Variants in ENKUR observed in about 807,000 individuals in gnomAD.
The protein encoded by ENKUR is enkurin.
Under a neutral mutation model 27.6 loss-of-function variants are expected in ENKUR, and 19 were observed. The ratio of observed to expected loss-of-function variants is 0.69; its 90% CI spans 0.48 to 1.01. The LOEUF (loss-of-function observed/expected upper bound fraction) is 1.01. ENKUR is among the 50% of genes least tolerant of loss of function. The probability of loss-of-function intolerance (pLI) is 0.00; values close to 1 mark genes in which losing one functional copy is unlikely to be tolerated. For synonymous variants in ENKUR, 117 were observed against 96.9 expected (o/e 1.21, Z -1.22); for missense variants, 312 against 310.5 (o/e 1.00, Z -0.04).
intron 3 of ENKUR, among the ~76,000 whole-genome samples, chr10:24,990,831 C>T (rs746469862): frequency 1.2e-4 from 18 of 152,114 alleles, no homozygotes; most frequent in Admixed American, 4.6e-4. Flanking sequence ...TAGTGGCTCA[C>T]ACCTGTAATC....
In ENKUR at chr10:25,030,075, C is replaced by T. The variant is rs182269630; in HGVS notation, c.37+31037G>A. On this transcript the variant is annotated intron_variant, in intron 2 of 5. Coordinates refer to the ENKUR transcript ENST00000615958. ...TATCTTTTTCTTGAAGATTTCCCCT[C>T]TTGAGTGCCTTTCCTGTTTTAAGGC... Among the ~76,000 whole-genome samples, 330 of 152,280 alleles carry T rather than the reference C, an allele frequency of 2.2e-3. 4 individuals carry two copies. Among genetic ancestry groups the T allele is most frequent in the African/African-American group, 7.3e-3 (303 of 41,558 alleles).
At chr10:25,024,802 A>T in intron 2 of ENKUR, 3 of 1,614,186 alleles carry the variant, frequency 1.9e-6, no homozygotes, top group Non-Finnish European at 2.5e-6. Flanking sequence ...GGGAATCCCG[A>T]TTCGAAAATT....
upstream of ENKUR, chr10:25,016,643 A>C (rs1850584790): frequency 6.6e-6 from 1 of 152,472 alleles, no homozygotes; most frequent in African/African-American, 2.4e-5. Context: ...CGCCGCAGGC[A>C]CAGGCGCAGA....
rs1849907051 is a variant in ENKUR at position 24,990,623 on chromosome 10, G to A, written c.448-14C>T. The A allele has an allele frequency of 1.9e-6, 3 of 1,585,498 alleles. No individual in the cohort carries two copies. Among genetic ancestry groups the A allele is most frequent in the Non-Finnish European group, 2.6e-6 (3 of 1,171,352 alleles). On this transcript the variant is annotated splice_polypyrimidine_tract_variant and intron_variant, in intron 3 of 5. Transcript: ENST00000331161. ...GACACCATAATCCTAAAAAGATTTT[G>A]CAGAAAAAAGTAATCAATATTTTGT...
chr10:24,992,029 T>A (rs1159685680), intron 3 of ENKUR, among the ~76,000 whole-genome samples: 1 of 152,174 alleles, frequency 6.6e-6, no homozygotes, highest in Non-Finnish European at 1.5e-5. Context: ...AATAAGGGAA[T>A]TTTCCCATGT....
chr10:25,051,798 A>G (rs1851189090), intron 2 of ENKUR, among the ~76,000 whole-genome samples: 1 of 152,170 alleles, frequency 6.6e-6, no homozygotes, highest in Non-Finnish European at 1.5e-5. Context: ...CAAGCCATGG[A>G]AGCAATCAAG....
At chr10:25,023,746 G>A (rs1210136463) in intron 2 of ENKUR, 10 of 1,613,880 alleles carry the variant, frequency 6.2e-6, no homozygotes, top group Non-Finnish European at 8.5e-6. Context: ...TAGGATTGTA[G>A]GTCAGAATTC....
At chr10:25,029,407 A>G (rs1850908152) in intron 2 of ENKUR, among the ~76,000 whole-genome samples, 1 of 152,210 alleles carries the variant, frequency 6.6e-6, no homozygotes, top group South Asian at 2.1e-4. Flanking sequence ...AATAGAGTTT[A>G]GAAGACAATA....
At chr10:25,061,307 C>A in exon 2 of ENKUR, 1 of 662,008 alleles carries the variant, frequency 1.5e-6, no homozygotes. Flanking sequence ...TTTCTTGTGC[C>A]GCTCCTCCAG....
chr10:25,060,624 C>A (rs1851315976), intron 2 of ENKUR, among the ~76,000 whole-genome samples: 1 of 152,134 alleles, frequency 6.6e-6, no homozygotes, highest in Admixed American at 6.5e-5. Flanking sequence ...GGGGCTTGAA[C>A]CTAAATTGAA....
At chr10:24,993,524 T>C (rs546912905) in intron 3 of ENKUR, among the ~76,000 whole-genome samples, 1 of 152,342 alleles carries the variant, frequency 6.6e-6, no homozygotes, top group South Asian at 2.1e-4. Flanking sequence ...ATGGTATGAA[T>C]GGCATATAAT....
chr10:25,017,103 T>A, upstream of ENKUR, among the ~76,000 whole-genome samples: 1 of 152,240 alleles, frequency 6.6e-6, no homozygotes, highest in East Asian at 1.9e-4. Context: ...TCGGGACTCT[T>A]CCTCTAGGTC....
chr10:24,982,412 T>C lies in ENKUR; in HGVS notation c.*1958A>G, dbSNP rs1034388425. 6.6e-6 allele frequency: 1 copy of C among 152,216 alleles called. No homozygotes were observed. Among genetic ancestry groups the C allele is most frequent in the Admixed American group, 6.5e-5 (1 of 15,274 alleles). 9.4% of individuals were successfully genotyped at this position (152,216 alleles called of 1,614,324 possible). On this transcript the variant is annotated 3_prime_UTR_variant, in exon 6 of 6. Transcript: ENST00000331161. ...TCAAGAAATCAAGCTAAAAAGATCA[T>C]AGACAAGGGGCCAGACCACATCAAA...
At chr10:25,031,438 C>A (rs1025639952) in intron 2 of ENKUR, among the ~76,000 whole-genome samples, 2 of 152,078 alleles carry the variant, frequency 1.3e-5, no homozygotes, top group African/African-American at 4.8e-5. Flanking sequence ...GAGCCCTGGC[C>A]AAGTTACCAG....
At chr10:25,042,698 G>A (rs752180973) in intron 2 of ENKUR, among the ~76,000 whole-genome samples, 2 of 151,992 alleles carry the variant, frequency 1.3e-5, no homozygotes, top group Non-Finnish European at 2.9e-5. Flanking sequence ...CAAAATGGAA[G>A]AGCACCTGGG....
intron 2 of ENKUR, chr10:25,025,502 T>C: frequency 6.6e-7 from 1 of 1,524,082 alleles, no homozygotes; most frequent in Non-Finnish European, 8.8e-7. Context: ...CATGCAATAA[T>C]AAATCTCAAA....
intron 2 of ENKUR, among the ~76,000 whole-genome samples, chr10:25,059,355 C>A (rs1851300522): frequency 6.6e-6 from 1 of 152,112 alleles, no homozygotes; most frequent in Non-Finnish European, 1.5e-5. Context: ...TAGTCTCCAA[C>A]TCCTGACCTC....
At chr10:25,058,825 G>A (rs1249518292) in intron 2 of ENKUR, among the ~76,000 whole-genome samples, 1 of 151,974 alleles carries the variant, frequency 6.6e-6, no homozygotes, top group Non-Finnish European at 1.5e-5. Flanking sequence ...CAGCTACTCG[G>A]GAGGCTGAGG....
chr10:25,045,861 T>C (rs1851116149), intron 2 of ENKUR, among the ~76,000 whole-genome samples: 1 of 152,178 alleles, frequency 6.6e-6, no homozygotes, highest in Non-Finnish European at 1.5e-5. Flanking sequence ...TTGAAGTAAC[T>C]GTATGCAGCA....
Sources: allele counts gnomAD v4.1 joint callset (sites outside exome capture counted in the v4.1 genomes callset), GRCh38; gene constraint gnomAD v4.1.1; transcripts MANE v1.5; gene names NCBI Gene and HGNC (gene_info 2026-07-23, HGNC 2026-07-21).